TBC1D15: variants seen among roughly 807,000 people sequenced by gnomAD.
TBC1D15 encodes GAP for RAB7.
A neutral mutation model predicts 95.4 loss-of-function variants in TBC1D15; 39 were observed. The ratio of observed to expected loss-of-function variants is 0.41; its 90% confidence interval spans 0.32 to 0.53. The LOEUF is 0.53. Among genes scored for constraint, TBC1D15 ranks in the 20% least tolerant of loss-of-function variants. The probability of loss-of-function intolerance (pLI) is 0.29; values close to 1 mark genes in which losing one functional copy is unlikely to be tolerated. For synonymous variants in TBC1D15, 258 were observed against 261.3 expected (o/e 0.99, Z 0.12); for missense variants, 733 against 794.3 (o/e 0.92, Z 0.93).
In TBC1D15 at chr12:71,922,497, CTT is replaced by C. The variant is rs373338822; in HGVS notation, c.1804-484_1804-483del. Among the ~76,000 whole-genome samples the C allele has an allele frequency of 3.5e-3, 538 of 152,150 alleles. 3 individuals are homozygous for C. Among genetic ancestry groups the C allele is most frequent in the African/African-American group, 0.013 (521 of 41,486 alleles). On this transcript the variant is annotated intron_variant, in intron 16 of 16. Transcript: ENST00000485960. ...CATTGGTTTGCTGCACCCCTTATGA[CTT>C]TGCATTTTTATGAAAATTCTTGCTT...
At chr12:71,908,159 C>T (rs1311904931) in intron 11 of TBC1D15, among the ~76,000 whole-genome samples, 1 of 151,704 alleles carries the variant, frequency 6.6e-6, no homozygotes, top group Non-Finnish European at 1.5e-5. Flanking sequence ...GGTGACAGAG[C>T]GAGACTCTGT....
chr12:71,874,822 C>A (rs182246867), intron 3 of TBC1D15, among the ~76,000 whole-genome samples: 1 of 152,054 alleles, frequency 6.6e-6, no homozygotes, highest in Non-Finnish European at 1.5e-5. Context: ...GGAGTTTCAC[C>A]ATGTTGGCCA....
At chr12:71,882,078 C>G (rs1435387838) in intron 4 of TBC1D15, among the ~76,000 whole-genome samples, 1 of 151,708 alleles carries the variant, frequency 6.6e-6, no homozygotes, top group East Asian at 1.9e-4. Flanking sequence ...TTTTTTTCCC[C>G]CCAAAGAAAA....
In TBC1D15 at chr12:71,839,828, A is replaced by G; in HGVS notation, c.30+17A>G. Reference sequence around the variant, plus strand: ...AGCGGGAAGGTAGGTAACGGCCTCCAGGAAGACCTCGGCTTTTCTCTGGGA... The same window carrying G: ...AGCGGGAAGGTAGGTAACGGCCTCCGGGAAGACCTCGGCTTTTCTCTGGGA... On this transcript the variant is annotated intron_variant, in intron 1 of 16. Transcript: ENST00000485960. The G allele has an allele frequency of 6.2e-7, 1 of 1,614,158 alleles. No homozygotes were observed. The highest frequency in any genetic ancestry group is 2.2e-5 in the East Asian group (1 of 44,864).
Position 71,896,039 on chromosome 12 carries a change from A to C in TBC1D15, c.948A>C (p.Leu316Phe). The change falls in exon 8 of 17, where the codon TTA becomes TTC. Residue 316 changes from leucine (L) to phenylalanine (F), a missense_variant. Coordinates refer to ENST00000485960, the MANE Select transcript of TBC1D15 (RefSeq NM_001146213.3). ...TKNIDSEGRI[L>F]NVDNMKQMIF... ...ACATTGATTCTGAAGGAAGAATTTTAAATGTAGATAATATGAAGCAGATGA... is the reference window on the plus strand; with the variant it reads ...ACATTGATTCTGAAGGAAGAATTTTCAATGTAGATAATATGAAGCAGATGA... 1 of 1,611,816 alleles carries C rather than the reference A, an allele frequency of 6.2e-7. No homozygotes were observed.
At chr12:71,908,516 A>G (rs879391603) in intron 11 of TBC1D15, among the ~76,000 whole-genome samples, 13 of 152,216 alleles carry the variant, frequency 8.5e-5, no homozygotes, top group African/African-American at 1.9e-4. Flanking sequence ...TTCACTGTTC[A>G]TAAATATGTA....
intron 10 of TBC1D15, among the ~76,000 whole-genome samples, chr12:71,900,056 G>A (rs193061381): frequency 6.6e-6 from 1 of 152,174 alleles, no homozygotes; most frequent in African/African-American, 2.4e-5. Flanking sequence ...GGGTGTGAAG[G>A]GGAAAGAGAA....
chr12:71,887,157 G>A (rs1408641983), intron 5 of TBC1D15, among the ~76,000 whole-genome samples: 2 of 131,730 alleles, frequency 1.5e-5, no homozygotes, highest in Admixed American at 7.4e-5. Flanking sequence ...TATTGAAACC[G>A]GATCATTGTA....
At chr12:71,898,844 A>G (rs2138760816) in intron 10 of TBC1D15, among the ~76,000 whole-genome samples, 1 of 152,312 alleles carries the variant, frequency 6.6e-6, no homozygotes, top group South Asian at 2.1e-4. Context: ...CCGTTTGTGG[A>G]CATGAAAACA....
At chr12:71,865,286 A>G (rs1219223315) in intron 1 of TBC1D15, among the ~76,000 whole-genome samples, 1 of 152,168 alleles carries the variant, frequency 6.6e-6, no homozygotes, top group Admixed American at 6.5e-5. Context: ...GCTTGGGCCC[A>G]GGGGGCTGGG....
Position 71,917,681 on chromosome 12 carries a change from A to G in TBC1D15, c.1402-17A>G, listed in dbSNP as rs551032911. 104 of 1,534,408 alleles carry G rather than the reference A, an allele frequency of 6.8e-5. 1 individual carries two copies. In the South Asian group the frequency reaches 1.1e-3, roughly 16 times the overall value. ...TATTTATTAAATATTACTTGTAACA[A>G]TTATTTCCTTTTAAAGCATCAGAAT... On this transcript the variant is annotated splice_polypyrimidine_tract_variant and intron_variant, in intron 12 of 16. Coordinates refer to ENST00000485960, the MANE Select transcript of TBC1D15 (RefSeq NM_001146213.3).
At chr12:71,859,616 TG>T (rs147119309) in intron 1 of TBC1D15, among the ~76,000 whole-genome samples, 20,295 of 151,214 alleles carry the variant, frequency 0.13, 2,600 homozygotes, top group African/African-American at 0.35. Flanking sequence ...CAATCCTTTT[TG>T]TTTTTTTTGA....
intron 1 of TBC1D15, among the ~76,000 whole-genome samples, chr12:71,858,698 G>A (rs1889703096): frequency 6.6e-6 from 1 of 151,806 alleles, no homozygotes; most frequent in Non-Finnish European, 1.5e-5. Flanking sequence ...GGGACTACAA[G>A]CATGTGCCAC....
chr12:71,858,704 G>C (rs1889703753), intron 1 of TBC1D15, among the ~76,000 whole-genome samples: 1 of 151,704 alleles, frequency 6.6e-6, no homozygotes, highest in African/African-American at 2.4e-5. Context: ...ACAAGCATGT[G>C]CCACCATGCC....
chr12:71,900,361 T>A (rs1303130694), intron 10 of TBC1D15, among the ~76,000 whole-genome samples: 2 of 152,162 alleles, frequency 1.3e-5, no homozygotes, highest in African/African-American at 4.8e-5. Context: ...GGTTTTTAAC[T>A]TTGGCAACAC....
At chr12:71,840,441 C>T (rs1884685135) in intron 1 of TBC1D15, among the ~76,000 whole-genome samples, 1 of 152,166 alleles carries the variant, frequency 6.6e-6, no homozygotes, top group Admixed American at 6.5e-5. Context: ...ATTTCCTAGG[C>T]ATTTCAGTAG....
At chr12:71,898,778 A>G (rs536666155) in intron 10 of TBC1D15, among the ~76,000 whole-genome samples, 5 of 152,292 alleles carry the variant, frequency 3.3e-5, no homozygotes, top group African/African-American at 9.6e-5. Context: ...CTCCCATGAA[A>G]GAAATAATTT....
chr12:71,863,573 A>C (rs1486037893), intron 1 of TBC1D15, among the ~76,000 whole-genome samples: 1 of 152,112 alleles, frequency 6.6e-6, no homozygotes, highest in Non-Finnish European at 1.5e-5. Context: ...TGTTTTTTAT[A>C]TCTCTCTTCA....
At chr12:71,855,123 G>A (rs544993148) in intron 1 of TBC1D15, among the ~76,000 whole-genome samples, 68 of 152,242 alleles carry the variant, frequency 4.5e-4, no homozygotes, top group Admixed American at 1.5e-3. Context: ...CTTACATGGC[G>A]GCAGGAGAGA....
Sources: allele counts gnomAD v4.1 joint callset (sites outside exome capture counted in the v4.1 genomes callset), GRCh38; gene constraint gnomAD v4.1.1; transcripts MANE v1.5; gene names NCBI Gene and HGNC (gene_info 2026-07-23, HGNC 2026-07-21).